Variants in MCU observed in about 807,000 individuals in gnomAD.
MCU encodes the protein calcium uniporter protein, mitochondrial.
In MCU, 12 loss-of-function variants were observed where a neutral mutation model predicts 45.2. That is an observed-to-expected ratio of 0.27 (90% CI 0.17 to 0.43). The LOEUF is 0.43. Ranked by LOEUF, MCU falls within the 20% of genes least tolerant of loss-of-function variation. The pLI is 1.00. For missense variants in MCU, 324 were observed against 436.7 expected, an observed-to-expected ratio of 0.74 and a Z score of 2.30; for synonymous variants, 160 against 165.1, an observed-to-expected ratio of 0.97 and a Z score of 0.24.
At chr10:72,697,056 T>C (rs976044323) in intron 1 of MCU, among the ~76,000 whole-genome samples, 2 of 152,172 alleles carry the variant, frequency 1.3e-5, no homozygotes, top group Non-Finnish European at 2.9e-5. Context: ...TTTGTTGGTT[T>C]ATTCTATATT....
chr10:72,773,675 G>C (rs900292805), intron 1 of MCU, among the ~76,000 whole-genome samples: 3 of 151,992 alleles, frequency 2.0e-5, no homozygotes, highest in Non-Finnish European at 4.4e-5. Context: ...CTACCTCAAG[G>C]CATATAATAA....
chr10:72,799,215 C>T (rs1286577734), intron 1 of MCU, among the ~76,000 whole-genome samples: 3 of 152,230 alleles, frequency 2.0e-5, no homozygotes, highest in Non-Finnish European at 2.9e-5. Flanking sequence ...TGAGCCATCA[C>T]GCCCGGCCTC....
chr10:72,798,997 G>A (rs544707569), intron 1 of MCU, among the ~76,000 whole-genome samples: 34 of 152,214 alleles, frequency 2.2e-4, no homozygotes, highest in African/African-American at 8.2e-4. Flanking sequence ...AGGCTGGAGT[G>A]CAGTGACCTG....
intron 1 of MCU, among the ~76,000 whole-genome samples, chr10:72,736,037 A>G (rs189959433): frequency 6.6e-6 from 1 of 152,354 alleles, no homozygotes; most frequent in African/African-American, 2.4e-5. Flanking sequence ...GGCTAGTGAC[A>G]TTGATGCAAA....
chr10:72,723,273 C>CAGAG (rs201518872), intron 1 of MCU, among the ~76,000 whole-genome samples: 2,859 of 152,140 alleles, frequency 0.019, 80 homozygotes, highest in African/African-American at 0.065. Context: ...GCAAATTTGT[C>CAGAG]AGAACGAAGA....
intron 1 of MCU, among the ~76,000 whole-genome samples, chr10:72,801,545 G>A (rs988726221): frequency 1.3e-5 from 2 of 151,476 alleles, no homozygotes; most frequent in South Asian, 4.2e-4. Context: ...GACTGACTCT[G>A]ACCCACAGAC....
rs1464715862 is a variant in MCU, at chr10:72,805,095, TTCTTTC to T, written c.151-29256_151-29251del. On this transcript the variant is annotated intron_variant, in intron 1 of 7. Coordinates refer to ENST00000373053, the MANE Select transcript of MCU (RefSeq NM_138357.3). Reference sequence around the variant, plus strand: ...CTAGTTTGTTTCTTTCTTTCTTTCTTTCTTTCTCTTTCTTTCTTTCTTTCTTTCTTT... The same window carrying T: ...CTAGTTTGTTTCTTTCTTTCTTTCTTTCTTTCTTTCTTTCTTTCTTTCTTT... 2.9e-3 allele frequency among the ~76,000 whole-genome samples: 405 copies of T among 138,994 alleles called. 3 individuals carry two copies. Among genetic ancestry groups the T allele is most frequent in the African/African-American group, 0.011 (363 of 33,886 alleles). The allele number at this position is 138,994 out of a possible 152,430, so 91.2% of individuals were successfully genotyped here.
intron 1 of MCU, among the ~76,000 whole-genome samples, chr10:72,758,534 A>C (rs1214551027): frequency 6.6e-6 from 1 of 152,210 alleles, no homozygotes; most frequent in African/African-American, 2.4e-5. Context: ...GAGAAAGGGA[A>C]ATAGTTACTA....
chr10:72,880,320 A>G (rs1179600552), intron 6 of MCU, among the ~76,000 whole-genome samples: 1 of 152,274 alleles, frequency 6.6e-6, no homozygotes, highest in African/African-American at 2.4e-5. Context: ...GTTAGGATCC[A>G]TAAGTGAGTT....
intron 1 of MCU, among the ~76,000 whole-genome samples, chr10:72,801,170 G>A (rs1844333896): frequency 6.6e-6 from 1 of 152,078 alleles, no homozygotes; most frequent in Non-Finnish European, 1.5e-5. Flanking sequence ...GGTGGGGATA[G>A]GTAGAGGCCA....
chr10:72,755,203 G>C (rs1255731809), intron 1 of MCU, among the ~76,000 whole-genome samples: 1 of 144,498 alleles, frequency 6.9e-6, no homozygotes, highest in South Asian at 2.2e-4. Flanking sequence ...GGGCTAGAGT[G>C]CAATGGTATG....
intron 2 of MCU, among the ~76,000 whole-genome samples, chr10:72,848,236 A>G (rs914184045): frequency 1.6e-4 from 24 of 152,210 alleles, no homozygotes; most frequent in African/African-American, 5.8e-4. Flanking sequence ...AGAGGCATCT[A>G]TACTATCTTA....
intron 1 of MCU, among the ~76,000 whole-genome samples, chr10:72,728,695 A>G (rs1279925944): frequency 6.6e-6 from 1 of 152,126 alleles, no homozygotes; most frequent in African/African-American, 2.4e-5. Context: ...GTATGAGATA[A>G]CACTGGGGAG....
At chr10:72,765,306 A>G (rs895619258) in intron 1 of MCU, among the ~76,000 whole-genome samples, 1 of 152,194 alleles carries the variant, frequency 6.6e-6, no homozygotes, top group Non-Finnish European at 1.5e-5. Flanking sequence ...AAGAAGTACT[A>G]TAAAAGAGGA....
chr10:72,843,146 G>A lies in MCU; in HGVS notation c.220+8718G>A, dbSNP rs1365294665. Among the ~76,000 whole-genome samples the A allele has an allele frequency of 3.9e-5, 6 of 152,100 alleles. No homozygotes were observed. In the East Asian group the frequency reaches 1.2e-3, roughly 29 times the overall value. ...TTGTAACTGATGAGCCTGCATTGACGCATCATTACAACCCCAAGTCCATAA... is the reference window on the plus strand; with the variant it reads ...TTGTAACTGATGAGCCTGCATTGACACATCATTACAACCCCAAGTCCATAA... On this transcript the variant is annotated intron_variant, in intron 2 of 7. Coordinates refer to ENST00000373053, the MANE Select transcript of MCU (RefSeq NM_138357.3).
chr10:72,858,744 G>A (rs1208322449), intron 2 of MCU, among the ~76,000 whole-genome samples: 1 of 152,162 alleles, frequency 6.6e-6, no homozygotes, highest in African/African-American at 2.4e-5. Flanking sequence ...CTGTTTTGGA[G>A]TAAGAGTCTC....
chr10:72,885,736 C>A lies in MCU; in HGVS notation c.979-9C>A, dbSNP rs770461895. The stretch of plus-strand genomic sequence containing the variant: ...TAGCCAGTTTTCTCACCTTTTGTTT[C>A]TATTTTAGGCAGAAATGGACCTTAA... On this transcript the variant is annotated splice_polypyrimidine_tract_variant and intron_variant, in intron 7 of 7. Transcript: ENST00000373053. 5 of 1,605,010 alleles carry A rather than the reference C, an allele frequency of 3.1e-6. No individual in the cohort carries two copies. Among genetic ancestry groups the A allele is most frequent in the Non-Finnish European group, 4.3e-6 (5 of 1,173,176 alleles).
chr10:72,709,899 C>T (rs914412859), intron 1 of MCU, among the ~76,000 whole-genome samples: 3 of 152,104 alleles, frequency 2.0e-5, no homozygotes, highest in Admixed American at 6.6e-5. Context: ...CATTGGTGTT[C>T]GATTCAGAAT....
intron 1 of MCU, among the ~76,000 whole-genome samples, chr10:72,758,906 T>G (rs1169914462): frequency 6.6e-6 from 1 of 152,202 alleles, no homozygotes; most frequent in Admixed American, 6.5e-5. Context: ...ACAATGATAA[T>G]ACACTTAGAA....
Sources: gnomAD v4.1 joint callset for allele counts (sites outside exome capture counted in the v4.1 genomes callset) on GRCh38, gnomAD v4.1.1 for gene constraint, MANE v1.5 for transcripts, NCBI Gene and HGNC (gene_info 2026-07-23, HGNC 2026-07-21) for gene names.